ACER3: variants seen among roughly 807,000 people sequenced by gnomAD.
ACER3 encodes alkaline ceramidase 3.
Under a neutral mutation model 48.9 loss-of-function variants are expected in ACER3, and 16 were observed. The observed-to-expected ratio is 0.33, with a 90% CI of 0.22 to 0.50. ACER3 has a LOEUF of 0.50. ACER3 is among the 20% of genes least tolerant of loss of function. The pLI, the probability that ACER3 is intolerant of heterozygous loss-of-function variation, is 0.98. For missense variants in ACER3, 227 were observed against 326.0 expected, an observed-to-expected ratio of 0.70 and a Z score of 2.34; for synonymous variants, 109 against 107.8, an observed-to-expected ratio of 1.01 and a Z score of -0.07.
intron 3 of ACER3, among the ~76,000 whole-genome samples, chr11:76,967,005 C>T (rs1383116617): frequency 6.6e-6 from 1 of 152,108 alleles, no homozygotes; most frequent in Non-Finnish European, 1.5e-5. Flanking sequence ...TTCAAAAAAT[C>T]AAAGAATCCA....
At position 76,861,090 on chromosome 11, in the gene ACER3, C is replaced by T. The variant is rs1337988690; in HGVS notation, c.103+11C>T. On this transcript the variant is annotated intron_variant, in intron 1 of 10. Coordinates refer to ENST00000532485, the MANE Select transcript of ACER3 (RefSeq NM_018367.7). ...ACATCGCCGAGTTCTGTGAGTGTGGCCTGAGGAGGGGAGTGGGGGCGAGAG... is the reference window on the plus strand; with the variant it reads ...ACATCGCCGAGTTCTGTGAGTGTGGTCTGAGGAGGGGAGTGGGGGCGAGAG... 1.8e-5 allele frequency: 27 copies of T among 1,536,760 alleles called. No homozygotes were observed. Among genetic ancestry groups the T allele is most frequent in the Non-Finnish European group, 2.3e-5 (26 of 1,140,038 alleles).
intron 7 of ACER3, chr11:77,011,380 G>A: frequency 1.0e-6 from 1 of 985,532 alleles, no homozygotes; most frequent in Non-Finnish European, 1.2e-6. Context: ...GCCATGGTAA[G>A]TAAGTTTAGA....
At chr11:76,891,346 T>C (rs537622999) in intron 1 of ACER3, among the ~76,000 whole-genome samples, 15 of 151,926 alleles carry the variant, frequency 9.9e-5, no homozygotes. Context: ...GTTGGGACAC[T>C]GTAGGCCTCA....
At chr11:76,924,566 C>T (rs1946767419) in intron 1 of ACER3, among the ~76,000 whole-genome samples, 1 of 151,734 alleles carries the variant, frequency 6.6e-6, no homozygotes, top group African/African-American at 2.4e-5. Flanking sequence ...GCCTTACAGT[C>T]CTATTTCTGG....
Position 76,990,178 on chromosome 11 carries a change from C to T in ACER3, c.403-361C>T, listed in dbSNP as rs181204539. On this transcript the variant is annotated intron_variant, in intron 5 of 10. Coordinates refer to ENST00000532485, the MANE Select transcript of ACER3 (RefSeq NM_018367.7). ...TGAAATTTACTCCTATCTCTAAGTC[C>T]GGTGTTCTCTCTGTTGTAGAACAGA... 3.9e-5 allele frequency among the ~76,000 whole-genome samples: 6 copies of T among 152,272 alleles called. 1 individual carries two copies. The highest frequency in any genetic ancestry group is 3.9e-4 in the East Asian group (2 of 5,182).
chr11:76,994,068 T>C (rs1213190777), intron 6 of ACER3: 1 of 426,210 alleles, frequency 2.3e-6, no homozygotes, highest in Non-Finnish European at 4.6e-6. Flanking sequence ...AATCAGTGAC[T>C]GCATCTGAAC....
At chr11:77,008,513 G>A (rs1949200086) in intron 7 of ACER3, among the ~76,000 whole-genome samples, 1 of 152,102 alleles carries the variant, frequency 6.6e-6, no homozygotes, top group Non-Finnish European at 1.5e-5. Context: ...ATTTAGCACT[G>A]GTCATTATTT....
intron 1 of ACER3, among the ~76,000 whole-genome samples, chr11:76,917,485 G>A (rs1946564010): frequency 6.6e-6 from 1 of 151,938 alleles, no homozygotes; most frequent in Non-Finnish European, 1.5e-5. Flanking sequence ...GGGCTGAGGT[G>A]GGAGGATCAT....
intron 1 of ACER3, among the ~76,000 whole-genome samples, chr11:76,914,262 A>C (rs1446751441): frequency 6.6e-6 from 1 of 152,224 alleles, no homozygotes; most frequent in Non-Finnish European, 1.5e-5. Flanking sequence ...TGAACAGGCA[A>C]CCTACAGAAT....
chr11:76,880,718 A>G (rs1945501037), intron 1 of ACER3, among the ~76,000 whole-genome samples: 1 of 152,182 alleles, frequency 6.6e-6, no homozygotes, highest in Non-Finnish European at 1.5e-5. Context: ...TCCAGCTTTG[A>G]GACAGAAAGG....
intron 2 of ACER3, among the ~76,000 whole-genome samples, chr11:76,932,476 C>G (rs1289793740): frequency 1.3e-5 from 2 of 152,206 alleles, no homozygotes; most frequent in Non-Finnish European, 2.9e-5. Context: ...AAAAGGAAGA[C>G]TTGTCTACAG....
chr11:76,860,918 G>T lies in ACER3; in HGVS notation c.-59G>T. ...CGCGGGCTGGGCCGGAGCCGGCCTG[G>T]TCGCCAGCCTAACCCGGCACAGTGA... is the stretch of plus-strand genomic sequence containing the variant. On this transcript the variant is annotated 5_prime_UTR_variant, in exon 1 of 11. Transcript: ENST00000532485. 7.9e-7 allele frequency: 1 copy of T among 1,264,632 alleles called. No individual in the cohort carries two copies. Among genetic ancestry groups the T allele is most frequent in the Non-Finnish European group, 1.0e-6 (1 of 954,512 alleles). The allele number at this position is 1,264,632 out of a possible 1,614,324, so 78.3% of individuals were successfully genotyped here.
chr11:76,896,307 C>A (rs191125257), intron 1 of ACER3, among the ~76,000 whole-genome samples: 1 of 152,026 alleles, frequency 6.6e-6, no homozygotes, highest in Non-Finnish European at 1.5e-5. Context: ...GCATCAGAAC[C>A]TTTCGTGAAG....
At chr11:76,873,412 C>T (rs1026931752) in intron 1 of ACER3, among the ~76,000 whole-genome samples, 10 of 152,212 alleles carry the variant, frequency 6.6e-5, no homozygotes, top group Non-Finnish European at 1.5e-4. Flanking sequence ...GGGTTTCTAA[C>T]TTTGCAAACC....
chr11:76,910,130 G>T (rs1010558701), intron 1 of ACER3, among the ~76,000 whole-genome samples: 1 of 151,674 alleles, frequency 6.6e-6, no homozygotes, highest in Admixed American at 6.6e-5. Flanking sequence ...TTGGGGGGTG[G>T]GGGGCAAGGG....
At chr11:76,965,073 A>C (rs1035383893) in intron 3 of ACER3, among the ~76,000 whole-genome samples, 7 of 151,272 alleles carry the variant, frequency 4.6e-5, no homozygotes, top group Non-Finnish European at 8.8e-5. Flanking sequence ...AAAAAATAAG[A>C]TGAATGGCTA....
At chr11:76,933,931 C>T (rs1361796537) in intron 2 of ACER3, among the ~76,000 whole-genome samples, 6 of 151,170 alleles carry the variant, frequency 4.0e-5, no homozygotes, top group East Asian at 3.9e-4. Flanking sequence ...ACTTCTTAGT[C>T]GGGGCGGCCG....
intron 1 of ACER3, among the ~76,000 whole-genome samples, chr11:76,862,911 A>G (rs1215963593): frequency 6.6e-6 from 1 of 152,216 alleles, no homozygotes; most frequent in Non-Finnish European, 1.5e-5. Context: ...TGTAGGTAAT[A>G]ATGACTCTTA....
At chr11:76,906,557 G>A (rs1201043731) in intron 1 of ACER3, among the ~76,000 whole-genome samples, 1 of 152,128 alleles carries the variant, frequency 6.6e-6, no homozygotes, top group African/African-American at 2.4e-5. Flanking sequence ...AGCCTTCAGA[G>A]AGGCTAATTT....
Sources: gnomAD v4.1 joint callset for allele counts (sites outside exome capture counted in the v4.1 genomes callset) on GRCh38, gnomAD v4.1.1 for gene constraint, MANE v1.5 for transcripts, NCBI Gene and HGNC (gene_info 2026-07-23, HGNC 2026-07-21) for gene names.